The following CFAP96 variants were observed in gnomAD, a reference collection of about 807,000 sequenced individuals.
The protein encoded by CFAP96 is cilia and flagella associated protein 96.
chr4:185,446,056 G>A, the CFAP96 span, among the ~76,000 whole-genome samples: 1 of 151,996 alleles, frequency 6.6e-6, no homozygotes, highest in Non-Finnish European at 1.5e-5. Flanking sequence ...GGTAAGGCTG[G>A]TCTCGAACTC....
At chr4:185,444,120 A>AT in the CFAP96 span, among the ~76,000 whole-genome samples, 1 of 146,142 alleles carries the variant, frequency 6.8e-6, no homozygotes, top group East Asian at 2.0e-4. Flanking sequence ...CGCCCGGCTA[A>AT]TTTTTTGTAT....
At chr4:185,415,735 C>A in the CFAP96 span, 1 of 1,610,140 alleles carries the variant, frequency 6.2e-7, no homozygotes, top group Non-Finnish European at 8.5e-7. Context: ...TCTGGAGCAA[C>A]AGATATAACT....
chr4:185,415,680 A>G, the CFAP96 span: 1 of 1,583,416 alleles, frequency 6.3e-7, no homozygotes, highest in South Asian at 1.1e-5. Context: ...CCTCATTCAA[A>G]TGTGGCAGTG....
the CFAP96 span, among the ~76,000 whole-genome samples, chr4:185,410,957 A>G: frequency 1.3e-5 from 2 of 151,250 alleles, no homozygotes; most frequent in South Asian, 2.1e-4. Flanking sequence ...AAAAAAAAAA[A>G]AAAGAAAGAA....
At chr4:185,431,625 C>T in the CFAP96 span, among the ~76,000 whole-genome samples, 1 of 152,230 alleles carries the variant, frequency 6.6e-6, no homozygotes, top group Non-Finnish European at 1.5e-5. Context: ...CGCACACACT[C>T]TCACTGACAT....
chr4:185,433,405 AAAAAAAAAG>A, the CFAP96 span, among the ~76,000 whole-genome samples: 1 of 55,998 alleles, frequency 1.8e-5, no homozygotes. Context: ...TCAAAAAAAA[AAAAAAAAAG>A]AAAAGAAAAG....
the CFAP96 span, among the ~76,000 whole-genome samples, chr4:185,431,475 T>C: frequency 5.3e-5 from 8 of 152,370 alleles, no homozygotes; most frequent in African/African-American, 1.9e-4. Flanking sequence ...TATTTTATGT[T>C]TTTGATTATT....
chr4:185,430,233 G>A, the CFAP96 span, among the ~76,000 whole-genome samples: 1 of 152,160 alleles, frequency 6.6e-6, no homozygotes, highest in Non-Finnish European at 1.5e-5. Flanking sequence ...AATAAAAAGA[G>A]CTAATATACA....
the CFAP96 span, chr4:185,415,255 A>AC: frequency 6.2e-7 from 1 of 1,602,650 alleles, no homozygotes; most frequent in Non-Finnish European, 8.5e-7. Context: ...TGGTTCAGGG[A>AC]CCACAATAGA....
the CFAP96 span, among the ~76,000 whole-genome samples, chr4:185,427,446 C>T: frequency 6.6e-6 from 1 of 152,134 alleles, no homozygotes. Flanking sequence ...CAGAGAGGCA[C>T]TCAAACAGCT....
chr4:185,420,673 T>C, the CFAP96 span, among the ~76,000 whole-genome samples: 14 of 152,304 alleles, frequency 9.2e-5, no homozygotes, highest in Non-Finnish European at 1.9e-4. Context: ...ATTCTTAAAT[T>C]AGCTTCTGTT....
chr4:185,414,454 T>C, the CFAP96 span, among the ~76,000 whole-genome samples: 1 of 152,180 alleles, frequency 6.6e-6, no homozygotes, highest in African/African-American at 2.4e-5. Flanking sequence ...ATGTTCTTTA[T>C]CATATCTTGT....
the CFAP96 span, among the ~76,000 whole-genome samples, chr4:185,413,070 C>T: frequency 3.3e-4 from 51 of 152,258 alleles, no homozygotes; most frequent in Middle Eastern, 6.8e-3. Flanking sequence ...CTTTGGGAGG[C>T]CTACATGGCG....
At chr4:185,433,379 A>G in the CFAP96 span, among the ~76,000 whole-genome samples, 1 of 137,514 alleles carries the variant, frequency 7.3e-6, no homozygotes, top group Non-Finnish European at 1.5e-5. Context: ...CCTGGGTGAC[A>G]GACTGAGACT....
chr4:185,422,566 A>C, the CFAP96 span: 1 of 1,589,786 alleles, frequency 6.3e-7, no homozygotes. Context: ...GAAATCACCT[A>C]GAACAAATAA....
the CFAP96 span, chr4:185,429,407 C>G: frequency 6.6e-7 from 1 of 1,524,656 alleles, no homozygotes; most frequent in Non-Finnish European, 8.8e-7. Flanking sequence ...CCACCAGACG[C>G]CACCATGCCT....
At chr4:185,429,437 A>G in the CFAP96 span, 1 of 1,537,452 alleles carries the variant, frequency 6.5e-7, no homozygotes, top group South Asian at 1.2e-5. Flanking sequence ...GGAAAAACGG[A>G]CATGGAAAGG....
the CFAP96 span, among the ~76,000 whole-genome samples, chr4:185,410,664 A>G: frequency 7.1e-6 from 1 of 141,530 alleles, no homozygotes; most frequent in African/African-American, 2.7e-5. Flanking sequence ...AAGAAAGATT[A>G]GGCCGGGCGC....
chr4:185,428,086 C>CAAA, the CFAP96 span, among the ~76,000 whole-genome samples: 6 of 141,394 alleles, frequency 4.2e-5, no homozygotes, highest in South Asian at 1.4e-3. Context: ...AACTCTGTCT[C>CAAA]AAAAAAAAAA....
Sources: allele counts gnomAD v4.1 joint callset (sites outside exome capture counted in the v4.1 genomes callset), GRCh38; gene constraint gnomAD v4.1.1; transcripts MANE v1.5; gene names NCBI Gene and HGNC (gene_info 2026-07-23, HGNC 2026-07-21).